BTRC: variants seen among roughly 807,000 people sequenced by gnomAD.
The protein encoded by BTRC is beta-transducin repeat containing E3 ubiquitin protein ligase.
BTRC carries 42 observed loss-of-function variants against 85.5 expected under a neutral mutation model. The observed-to-expected ratio is 0.49, with a 90% CI of 0.38 to 0.64. The LOEUF is 0.64. Ranked by LOEUF, BTRC falls within the 30% of genes least tolerant of loss-of-function variation. The pLI is 0.00. For synonymous variants in BTRC, 255 were observed against 263.3 expected, an observed-to-expected ratio of 0.97 and a Z score of 0.30; for missense variants, 594 against 743.5, an observed-to-expected ratio of 0.80 and a Z score of 2.34.
At chr10:101,464,950 G>C (rs554994382) in intron 3 of BTRC, among the ~76,000 whole-genome samples, 1 of 152,070 alleles carries the variant, frequency 6.6e-6, no homozygotes, top group African/African-American at 2.4e-5. Context: ...CAATAGAAGC[G>C]GGTCACAGGG....
At chr10:101,462,226 G>A (rs1455815206) in intron 3 of BTRC, among the ~76,000 whole-genome samples, 168 bp downstream of exon 3, 1 of 152,168 alleles carries the variant, frequency 6.6e-6, no homozygotes, top group Non-Finnish European at 1.5e-5. Context: ...GGTTTTCCCA[G>A]TTATTTAAAA....
chr10:101,377,282 A>G (rs1319862745), intron 1 of BTRC, among the ~76,000 whole-genome samples: 1 of 152,158 alleles, frequency 6.6e-6, no homozygotes, highest in Non-Finnish European at 1.5e-5. Flanking sequence ...AGTGTACCAG[A>G]CTGTTTATTC....
intron 13 of BTRC, among the ~76,000 whole-genome samples, chr10:101,544,916 T>C (rs1450959870): frequency 6.6e-6 from 1 of 152,000 alleles, no homozygotes; most frequent in Non-Finnish European, 1.5e-5. Context: ...TAGCTGGGCA[T>C]GGTGGCACGT....
At chr10:101,404,520 AT>A (rs776888544) in intron 1 of BTRC, among the ~76,000 whole-genome samples, 2 of 152,216 alleles carry the variant, frequency 1.3e-5, no homozygotes, top group Non-Finnish European at 2.9e-5. Context: ...AAATGTTGAT[AT>A]TTTTGTCAGG....
intron 1 of BTRC, chr10:101,414,543 T>TA (rs1943873424): frequency 4.8e-5 from 21 of 439,894 alleles, no homozygotes; most frequent in Non-Finnish European, 6.2e-5. Context: ...TTCTACTTAT[T>TA]AAAAAAAATT....
chr10:101,445,870 G>A (rs1002517482), intron 2 of BTRC, among the ~76,000 whole-genome samples: 62 of 152,306 alleles, frequency 4.1e-4, no homozygotes, highest in African/African-American at 1.5e-3. Context: ...TAATGACGGG[G>A]AGGGTGTTAA....
At chr10:101,425,529 C>A (rs908697946) in intron 1 of BTRC, among the ~76,000 whole-genome samples, 1 of 151,364 alleles carries the variant, frequency 6.6e-6, no homozygotes, top group African/African-American at 2.4e-5. Context: ...TTTGAGACTG[C>A]ATGTAAGGAG....
Position 101,362,127 on chromosome 10 carries a change from A to G in BTRC, c.48+7899A>G, listed in dbSNP as rs563607626. Among the ~76,000 whole-genome samples the G allele has an allele frequency of 2.0e-5, 3 of 150,464 alleles. No homozygotes were observed. The East Asian group carries it at 5.9e-4, about 30-fold the overall frequency. On this transcript the variant is annotated intron_variant, in intron 1 of 14. Coordinates refer to ENST00000370187, the MANE Select transcript of BTRC (RefSeq NM_033637.4). ...AGGCACGTACCACCACACCCAGCTC[A>G]TTTTTGTGTTTTTAGTAGGGATGGG...
intron 3 of BTRC, among the ~76,000 whole-genome samples, chr10:101,474,710 G>C (rs1044180687): frequency 2.6e-5 from 4 of 152,162 alleles, no homozygotes; most frequent in Non-Finnish European, 5.9e-5. Context: ...GTGGCTTTCA[G>C]ATTGAATTCT....
chr10:101,469,436 A>C (rs1439234017), intron 3 of BTRC, among the ~76,000 whole-genome samples: 5 of 152,202 alleles, frequency 3.3e-5, no homozygotes, highest in Admixed American at 3.3e-4. Flanking sequence ...GAGTTTCTGA[A>C]TCTATCTAAT....
chr10:101,493,247 A>T (rs545591504), intron 4 of BTRC, among the ~76,000 whole-genome samples: 3 of 152,354 alleles, frequency 2.0e-5, no homozygotes, highest in Admixed American at 1.3e-4. Context: ...AAAAATTTTT[A>T]AAAAGTACTA....
intron 1 of BTRC, among the ~76,000 whole-genome samples, chr10:101,402,325 A>T (rs568929277): frequency 6.6e-6 from 1 of 152,344 alleles, no homozygotes; most frequent in South Asian, 2.1e-4. Flanking sequence ...AAATTCAAGT[A>T]AGAATAATTT....
chr10:101,461,149 G>T (rs889940281), intron 2 of BTRC, among the ~76,000 whole-genome samples: 2 of 152,090 alleles, frequency 1.3e-5, no homozygotes, highest in African/African-American at 4.8e-5. Context: ...TGATCTGCCC[G>T]CCTTGGCCTC....
chr10:101,467,449 C>G (rs1288961294), intron 3 of BTRC, among the ~76,000 whole-genome samples: 1 of 151,654 alleles, frequency 6.6e-6, no homozygotes, highest in Non-Finnish European at 1.5e-5. Flanking sequence ...AAAACCCATT[C>G]CCTATCTGCC....
chr10:101,415,508 TATGTTATGTTATG>T (rs1943915198), intron 1 of BTRC, among the ~76,000 whole-genome samples: 1 of 4,598 alleles, frequency 2.2e-4, no homozygotes, highest in African/African-American at 2.6e-4. Flanking sequence ...TATGTTATGT[TATGTTATGTTATG>T]TTATGTTATG....
intron 3 of BTRC, among the ~76,000 whole-genome samples, chr10:101,472,639 A>G (rs2134202617): frequency 6.6e-6 from 1 of 152,188 alleles, no homozygotes; most frequent in East Asian, 1.9e-4. Context: ...ATATGGTGAA[A>G]CCCTGTCTCT....
intron 1 of BTRC, among the ~76,000 whole-genome samples, chr10:101,423,008 A>T (rs1264105237): frequency 3.3e-5 from 5 of 152,148 alleles, no homozygotes; most frequent in Non-Finnish European, 7.3e-5. Flanking sequence ...CTGTGAAGAA[A>T]GTCATTGGTA....
rs187976813 is a variant in BTRC at position 101,441,110 on chromosome 10, A to G, written c.156+10658A>G. Reference sequence around the variant, plus strand: ...TCAAAAATCATTCTTGTAGAAATTGATTTCTCATTGGCTGATTTCTACAGG... The same window carrying G: ...TCAAAAATCATTCTTGTAGAAATTGGTTTCTCATTGGCTGATTTCTACAGG... On this transcript the variant is annotated intron_variant, in intron 2 of 14. Coordinates refer to ENST00000370187, the MANE Select transcript of BTRC (RefSeq NM_033637.4). Among the ~76,000 whole-genome samples the G allele has an allele frequency of 4.6e-5, 7 of 152,302 alleles. No individual in the cohort carries two copies. The East Asian group carries it at 1.3e-3, about 29-fold the overall frequency.
chr10:101,457,949 T>A (rs1945123249), intron 2 of BTRC, among the ~76,000 whole-genome samples: 1 of 152,228 alleles, frequency 6.6e-6, no homozygotes, highest in South Asian at 2.1e-4. Context: ...GTATTATATC[T>A]GCTTATAAAT....
Sources: gnomAD v4.1 joint callset for allele counts (sites outside exome capture counted in the v4.1 genomes callset) on GRCh38, gnomAD v4.1.1 for gene constraint, MANE v1.5 for transcripts, NCBI Gene and HGNC (gene_info 2026-07-23, HGNC 2026-07-21) for gene names.